Variants in DLGAP1 observed in about 807,000 individuals in gnomAD.
DLGAP1 encodes the protein disks large-associated protein 1.
Under a neutral mutation model 90.8 loss-of-function variants are expected in DLGAP1, and 11 were observed. That is an observed-to-expected ratio of 0.12 (90% CI 0.08 to 0.20). The LOEUF (loss-of-function observed/expected upper bound fraction) is 0.20. Among genes scored for constraint, DLGAP1 ranks in the 10% least tolerant of loss-of-function variants. The pLI is 1.00. For synonymous variants in DLGAP1, 558 were observed against 540.7 expected (o/e 1.03, Z -0.44); for missense variants, 1,050 against 1,333.8 (o/e 0.79, Z 3.31).
At chr18:3,771,387 G>A (rs983459378) in intron 5 of DLGAP1, 4 of 152,396 alleles carry the variant, frequency 2.6e-5, no homozygotes, top group East Asian at 3.9e-4. Context: ...CTGCGCCCCC[G>A]TGGAAGGACG....
intron 2 of DLGAP1, among the ~76,000 whole-genome samples, chr18:4,115,651 A>C (rs1485237930): frequency 6.6e-6 from 1 of 151,930 alleles, no homozygotes; most frequent in Non-Finnish European, 1.5e-5. Context: ...ACGCCTGGCT[A>C]ATTTTTTTGT....
intron 7 of DLGAP1, among the ~76,000 whole-genome samples, chr18:3,662,013 G>A (rs910844769): frequency 2.0e-5 from 3 of 151,898 alleles, no homozygotes; most frequent in Non-Finnish European, 4.4e-5. Flanking sequence ...GTAGTAATGT[G>A]GAAAATAGAA....
intron 3 of DLGAP1, among the ~76,000 whole-genome samples, chr18:3,943,946 GAAC>G (rs1315739926): frequency 6.6e-6 from 1 of 152,170 alleles, no homozygotes; most frequent in African/African-American, 2.4e-5. Context: ...AGAAGTCTCA[GAAC>G]AACTCAACCC....
chr18:4,352,893 G>C (rs1217791570), intron 1 of DLGAP1, among the ~76,000 whole-genome samples: 1 of 152,094 alleles, frequency 6.6e-6, no homozygotes, highest in Non-Finnish European at 1.5e-5. Context: ...GTAACTTGTG[G>C]AGCACTGAGC....
At chr18:4,173,931 T>G (rs1478655919) in intron 1 of DLGAP1, among the ~76,000 whole-genome samples, 1 of 152,170 alleles carries the variant, frequency 6.6e-6, no homozygotes, top group Non-Finnish European at 1.5e-5. Flanking sequence ...TCCAGTTCCT[T>G]TATCCTCAGA....
intron 1 of DLGAP1, among the ~76,000 whole-genome samples, chr18:4,440,623 C>T (rs2083513649): frequency 6.6e-6 from 1 of 152,064 alleles, no homozygotes; most frequent in Non-Finnish European, 1.5e-5. Flanking sequence ...CAGAAATAAC[C>T]TATATAGACA....
At chr18:3,603,874 C>T (rs935221633) in intron 7 of DLGAP1, 2 of 154,364 alleles carry the variant, frequency 1.3e-5, no homozygotes, top group African/African-American at 2.4e-5. Context: ...CAACTCGCCA[C>T]AGGCTACCAC....
intron 1 of DLGAP1, among the ~76,000 whole-genome samples, chr18:4,207,988 A>G (rs1479922672): frequency 6.6e-6 from 1 of 152,200 alleles, no homozygotes; most frequent in Non-Finnish European, 1.5e-5. Flanking sequence ...CCAGGTGTCC[A>G]TTTTAGTTCA....
intron 3 of DLGAP1, among the ~76,000 whole-genome samples, chr18:3,995,064 C>A (rs1030694542): frequency 2.0e-5 from 3 of 152,138 alleles, no homozygotes; most frequent in East Asian, 1.9e-4. Context: ...ACTACTCATG[C>A]CCTTAAAATA....
At chr18:4,146,524 G>T (rs776741270) in intron 2 of DLGAP1, among the ~76,000 whole-genome samples, 10 of 152,086 alleles carry the variant, frequency 6.6e-5, no homozygotes, top group Non-Finnish European at 1.2e-4. Flanking sequence ...GGATTCCAGG[G>T]GTTATTTGTC....
chr18:3,725,105 A>G (rs369299412), intron 7 of DLGAP1, among the ~76,000 whole-genome samples: 2 of 152,148 alleles, frequency 1.3e-5, no homozygotes, highest in African/African-American at 4.8e-5. Flanking sequence ...CTTTCTGGGA[A>G]ACCACTGCAA....
At chr18:4,213,356 C>A (rs1439044976) in intron 1 of DLGAP1, among the ~76,000 whole-genome samples, 4 of 152,228 alleles carry the variant, frequency 2.6e-5, no homozygotes, top group South Asian at 4.1e-4. Context: ...AGAAATGATG[C>A]CAAGTTGACC....
intron 2 of DLGAP1, among the ~76,000 whole-genome samples, chr18:4,055,628 T>C (rs2075203067): frequency 6.6e-6 from 1 of 152,170 alleles, no homozygotes; most frequent in Non-Finnish European, 1.5e-5. Context: ...TTACATTTTA[T>C]TGGCCAGTGC....
chr18:4,112,085 T>G (rs568122381), intron 2 of DLGAP1, among the ~76,000 whole-genome samples: 23 of 152,132 alleles, frequency 1.5e-4, no homozygotes, highest in African/African-American at 5.5e-4. Context: ...AACTTCCCTG[T>G]GATCACTGCT....
chr18:3,760,923 G>A (rs1027721120), intron 5 of DLGAP1, among the ~76,000 whole-genome samples: 6 of 152,164 alleles, frequency 3.9e-5, no homozygotes, highest in African/African-American at 1.4e-4. Flanking sequence ...TGGTTCATCA[G>A]TCTGAGTTTT....
At chr18:3,852,086 T>A (rs1484581304) in intron 4 of DLGAP1, among the ~76,000 whole-genome samples, 3 of 152,154 alleles carry the variant, frequency 2.0e-5, no homozygotes, top group Non-Finnish European at 4.4e-5. Context: ...ATAGCTGTGA[T>A]CTCAGAAGAA....
rs562951123 is a variant in DLGAP1, at chr18:4,286,473, G to C, written c.-266-135186C>G. On this transcript the variant is annotated intron_variant, in intron 1 of 12. Coordinates refer to ENST00000315677, the MANE Select transcript of DLGAP1 (RefSeq NM_004746.4). Reference sequence around the variant, plus strand: ...AGGATGACGCTAATGCTGAGGGTCTGGGAGGAAGCCACCCCCAGGACACAG... The same window carrying C: ...AGGATGACGCTAATGCTGAGGGTCTCGGAGGAAGCCACCCCCAGGACACAG... 4.8e-4 allele frequency among the ~76,000 whole-genome samples: 73 copies of C among 152,246 alleles called. 1 individual carries two copies. In the South Asian group the frequency reaches 0.014, roughly 30 times the overall value.
In DLGAP1 at chr18:4,447,448, A is replaced by G. The variant is rs114139601; in HGVS notation, c.-267+7558T>C. ...ACAAGACTATATTGCTTAGGTACACATACATACATAGCAAAGAATAAGGAA... is the reference window on the plus strand; with the variant it reads ...ACAAGACTATATTGCTTAGGTACACGTACATACATAGCAAAGAATAAGGAA... On this transcript the variant is annotated intron_variant, in intron 1 of 12. Transcript: ENST00000315677. Among the ~76,000 whole-genome samples the G allele has an allele frequency of 2.9e-3, 448 of 152,300 alleles. 1 individual carries two copies. Among genetic ancestry groups the G allele is most frequent in the African/African-American group, 0.01 (429 of 41,572 alleles).
At chr18:4,058,070 A>G (rs191010754) in intron 2 of DLGAP1, among the ~76,000 whole-genome samples, 5 of 152,288 alleles carry the variant, frequency 3.3e-5, no homozygotes, top group Non-Finnish European at 7.4e-5. Context: ...TTATGAGAGT[A>G]GTAGGGTTAA....
Sources: gnomAD v4.1 joint callset for allele counts (sites outside exome capture counted in the v4.1 genomes callset) on GRCh38, gnomAD v4.1.1 for gene constraint, MANE v1.5 for transcripts, NCBI Gene and HGNC (gene_info 2026-07-23, HGNC 2026-07-21) for gene names.